ZSWIM6: variants seen among roughly 807,000 people sequenced by gnomAD.
ZSWIM6 encodes zinc finger SWIM domain-containing protein 6.
ZSWIM6 carries 9 observed loss-of-function variants against 113.2 expected under a neutral mutation model. The ratio of observed to expected loss-of-function variants is 0.08; its 90% CI spans 0.05 to 0.14. The LOEUF is 0.14. Among genes scored for constraint, ZSWIM6 ranks in the 10% least tolerant of loss-of-function variants. The pLI is 1.00. For missense variants in ZSWIM6, 1,162 were observed against 1,552.2 expected, an observed-to-expected ratio of 0.75 and a Z score of 4.22; for synonymous variants, 611 against 606.5, an observed-to-expected ratio of 1.01 and a Z score of -0.11.
At chr5:61,356,741 A>AATATATAATATATATAT (rs1744920387) in intron 1 of ZSWIM6, among the ~76,000 whole-genome samples, 1 of 108,306 alleles carries the variant, frequency 9.2e-6, no homozygotes. Context: ...AATATATATT[A>AATATATAATATATATAT]TATATATATA....
At chr5:61,497,168 G>A (rs908327805) in intron 4 of ZSWIM6, among the ~76,000 whole-genome samples, 3 of 151,424 alleles carry the variant, frequency 2.0e-5, no homozygotes, top group Admixed American at 1.3e-4. Flanking sequence ...GTGTACAAGC[G>A]AGAGTATGCT....
In ZSWIM6 at chr5:61,531,611, A is replaced by G. The variant is rs1749434566; in HGVS notation, c.2131A>G (p.Thr711Ala). ...GCGTATCATGCCTGATGGGCTGTACACACAAGAGAAAGTTTGCCGGAATGA... is the reference window on the plus strand; with the variant it reads ...GCGTATCATGCCTGATGGGCTGTACGCACAAGAGAAAGTTTGCCGGAATGA... ...QQRIMPDGLY[T>A]QEKVCRNEEQ... Residue 711 changes from threonine to alanine, a missense_variant, in exon 9 of 14, where the codon ACA becomes GCA. Coordinates refer to ENST00000252744, the MANE Select transcript of ZSWIM6 (RefSeq NM_020928.2). 6.4e-7 allele frequency: 1 copy of G among 1,551,598 alleles called. No homozygotes were observed. Among genetic ancestry groups the G allele is most frequent in the South Asian group, 1.2e-5 (1 of 84,058 alleles).
chr5:61,515,866 A>ATT (rs987079371), intron 4 of ZSWIM6, among the ~76,000 whole-genome samples: 1 of 151,810 alleles, frequency 6.6e-6, no homozygotes, highest in Non-Finnish European at 1.5e-5. Flanking sequence ...GTCATCTGGG[A>ATT]TTATGTCTTT....
At chr5:61,360,183 C>CTGTTAT (rs1745004431) in intron 1 of ZSWIM6, among the ~76,000 whole-genome samples, 1 of 152,154 alleles carries the variant, frequency 6.6e-6, no homozygotes, top group Non-Finnish European at 1.5e-5. Flanking sequence ...GATGATGGAG[C>CTGTTAT]CTACAGTTAT....
At chr5:61,339,832 T>C (rs1579939504) in intron 1 of ZSWIM6, among the ~76,000 whole-genome samples, 2 of 152,378 alleles carry the variant, frequency 1.3e-5, no homozygotes, top group Middle Eastern at 6.8e-3. Flanking sequence ...TTAGTTTTTG[T>C]GATTTATTAA....
intron 13 of ZSWIM6, 150 bp downstream of exon 13, chr5:61,542,115 C>G (rs1749756516): frequency 6.6e-6 from 4 of 602,198 alleles, no homozygotes; most frequent in East Asian, 5.7e-5. Context: ...CTCCCTGACC[C>G]CTTACCCCTA....
chr5:61,455,063 T>G (rs1747175204), intron 1 of ZSWIM6, among the ~76,000 whole-genome samples: 1 of 152,000 alleles, frequency 6.6e-6, no homozygotes. Context: ...AAAATAGGTA[T>G]TTGTCTTGGG....
intron 11 of ZSWIM6, among the ~76,000 whole-genome samples, chr5:61,539,315 G>GCA (rs2112289518): frequency 1.3e-5 from 2 of 152,300 alleles, no homozygotes; most frequent in Admixed American, 1.3e-4. Context: ...GCTGTCTCAT[G>GCA]TTGGTCCTGG....
intron 10 of ZSWIM6, 49 bp from the exon 11 acceptor site, chr5:61,538,765 C>T (rs1010593919): frequency 6.6e-7 from 1 of 1,514,334 alleles, no homozygotes; most frequent in African/African-American, 1.4e-5. Flanking sequence ...TGGCCAAGGA[C>T]ATGGTCAAGA....
At chr5:61,356,746 TA>T (rs1312287735) in intron 1 of ZSWIM6, among the ~76,000 whole-genome samples, 2 of 139,356 alleles carry the variant, frequency 1.4e-5, no homozygotes, top group Admixed American at 1.5e-4. Context: ...ATATTATATA[TA>T]TATATTATAT....
chr5:61,457,227 A>G (rs1368657274), intron 1 of ZSWIM6, among the ~76,000 whole-genome samples: 1 of 152,224 alleles, frequency 6.6e-6, no homozygotes, highest in Non-Finnish European at 1.5e-5. Flanking sequence ...TTTAACCTCA[A>G]GTAGCAGGGT....
In ZSWIM6 at chr5:61,356,774, A is replaced by G. The variant is rs942818331; in HGVS notation, c.676+23826A>G. ...ATATTATATATAATATGTATAATAT[A>G]TATATAAATATTTTATATATAATAT... On this transcript the variant is annotated intron_variant, in intron 1 of 13. Coordinates refer to ENST00000252744, the MANE Select transcript of ZSWIM6 (RefSeq NM_020928.2). 2.8e-4 allele frequency among the ~76,000 whole-genome samples: 39 copies of G among 141,046 alleles called. No individual in the cohort carries two copies. The East Asian group carries it at 7.3e-3, about 26-fold the overall frequency. 92.5% of individuals were successfully genotyped at this position (141,046 alleles called of 152,430 possible).
rs748238889 is a variant in ZSWIM6 at position 61,425,909 on chromosome 5, G to A, written c.677-46772G>A. 1.9e-4 allele frequency among the ~76,000 whole-genome samples: 29 copies of A among 152,178 alleles called. 1 individual carries two copies. The highest frequency in any genetic ancestry group is 4.1e-4 in the African/African-American group (17 of 41,432). ...ATGTGCTCAGCTAGGAACTTCGAAC[G>A]TTATGTTCATTTAGTAAGAAATGGG... On this transcript the variant is annotated intron_variant, in intron 1 of 13. Coordinates refer to ENST00000252744, the MANE Select transcript of ZSWIM6 (RefSeq NM_020928.2).
At chr5:61,508,381 A>G (rs1748684496) in intron 4 of ZSWIM6, among the ~76,000 whole-genome samples, 1 of 152,202 alleles carries the variant, frequency 6.6e-6, no homozygotes, top group African/African-American at 2.4e-5. Flanking sequence ...AGCATTAAAT[A>G]TTGCAAGGTA....
chr5:61,490,955 A>G (rs1031845898), intron 3 of ZSWIM6, 21 bp downstream of exon 3: 101 of 1,511,982 alleles, frequency 6.7e-5, no homozygotes, highest in Non-Finnish European at 8.5e-5. Flanking sequence ...CTATTTCTAA[A>G]GAAATATTCT....
At chr5:61,338,467 A>AT (rs565636078) in intron 1 of ZSWIM6, among the ~76,000 whole-genome samples, 1 of 152,064 alleles carries the variant, frequency 6.6e-6, no homozygotes, top group Non-Finnish European at 1.5e-5. Flanking sequence ...TTGCATAGGT[A>AT]TTTTTTATTG....
chr5:61,334,871 G>T (rs1399678031), intron 1 of ZSWIM6, among the ~76,000 whole-genome samples: 1 of 150,646 alleles, frequency 6.6e-6, no homozygotes, highest in Non-Finnish European at 1.5e-5. Context: ...GAATTTTTAT[G>T]GCTTGGCTGG....
intron 1 of ZSWIM6, among the ~76,000 whole-genome samples, chr5:61,360,974 C>T (rs183394315): frequency 6.6e-6 from 1 of 152,178 alleles, no homozygotes; most frequent in African/African-American, 2.4e-5. Context: ...ATATAAGAAG[C>T]CCCTTAATGT....
intron 1 of ZSWIM6, among the ~76,000 whole-genome samples, chr5:61,364,208 C>G (rs1745106016): frequency 6.6e-6 from 1 of 151,994 alleles, no homozygotes; most frequent in Non-Finnish European, 1.5e-5. Context: ...CCATGCCCGG[C>G]CCATAGTTTC....
Sources: allele counts gnomAD v4.1 joint callset (sites outside exome capture counted in the v4.1 genomes callset), GRCh38; gene constraint gnomAD v4.1.1; transcripts MANE v1.5; gene names NCBI Gene and HGNC (gene_info 2026-07-23, HGNC 2026-07-21).